Variants in PCDHA3 observed in about 807,000 individuals in gnomAD.
PCDHA3 encodes protocadherin alpha 3, also known as protocadherin alpha-3.
PCDHA3 carries 41 observed loss-of-function variants against 62.2 expected under a neutral mutation model. The ratio of observed to expected loss-of-function variants is 0.66; its 90% CI spans 0.51 to 0.86. The LOEUF is 0.86. PCDHA3 is among the 40% of genes least tolerant of loss of function. The pLI, the probability that PCDHA3 is intolerant of heterozygous loss-of-function variation, is 0.00. For synonymous variants in PCDHA3, 640 were observed against 555.4 expected, an observed-to-expected ratio of 1.15 and a Z score of -2.14; for missense variants, 1,304 against 1,241.2, an observed-to-expected ratio of 1.05 and a Z score of -0.76.
intron 1 of PCDHA3, among the ~76,000 whole-genome samples, chr5:140,957,828 G>A (rs554121251): frequency 6.0e-5 from 9 of 150,668 alleles, no homozygotes; most frequent in Non-Finnish European, 1.2e-4. Context: ...AAGAGAAAGT[G>A]TTAATTGATT....
chr5:141,010,136 CTCTT>C lies in PCDHA3; in HGVS notation c.*203_*206del, dbSNP rs782073868. The C allele has an allele frequency of 1.9e-6, 3 of 1,594,824 alleles. No homozygotes were observed. Among genetic ancestry groups the C allele is most frequent in the Non-Finnish European group, 2.6e-6 (3 of 1,169,724 alleles). On this transcript the variant is annotated 3_prime_UTR_variant, in exon 4 of 4. Transcript: ENST00000522353. ...AAAGCTTTACTAAGTCTGGTGTTAACTCTTTCTCTCCACTCTGGCTTGTTTTCAG... is the reference window on the plus strand; with the variant it reads ...AAAGCTTTACTAAGTCTGGTGTTAACTCTCTCCACTCTGGCTTGTTTTCAG...
intron 1 of PCDHA3, among the ~76,000 whole-genome samples, chr5:140,900,358 A>C (rs2067968295): frequency 6.6e-6 from 1 of 151,358 alleles, no homozygotes. Flanking sequence ...GCTCACCGCA[A>C]CCTCTGCCTC....
At position 140,852,782 on chromosome 5, in the gene PCDHA3, A is replaced by T. The variant is rs2042471437; in HGVS notation, c.2394+49191A>T. ...GTATCTGATTATTTGATGTGAATAG[A>T]GGGATGCTACAGATGTCATTTGTCT... On this transcript the variant is annotated intron_variant, in intron 1 of 3. Transcript: ENST00000522353. 4 of 979,406 alleles carry T rather than the reference A, an allele frequency of 4.1e-6. No homozygotes were observed. In the South Asian group the frequency reaches 1.9e-4, roughly 47 times the overall value. 60.7% of individuals were successfully genotyped at this position (979,406 alleles called of 1,614,324 possible). A position where few individuals can be genotyped will look rare whatever the true frequency, so the allele number is the denominator to read the frequency against.
rs782428365 is a variant in PCDHA3 at position 140,927,400 on chromosome 5, C to T, written c.2395-51549C>T. 7 of 1,614,126 alleles carry T rather than the reference C, an allele frequency of 4.3e-6. No homozygotes were observed. In the South Asian group the frequency reaches 5.5e-5, roughly 13 times the overall value. On this transcript the variant is annotated intron_variant, in intron 1 of 3. Transcript: ENST00000522353. ...CAGCCTAAGCCCCAGTCAGCACTTT[C>T]GCCTGGACATGGGATCGCGGGTTGA...
intron 1 of PCDHA3, chr5:140,968,997 G>A (rs1459602291): frequency 6.2e-7 from 1 of 1,614,092 alleles, no homozygotes; most frequent in African/African-American, 1.3e-5. Flanking sequence ...TGCTGTGGAG[G>A]CTTCTGTGGA....
At chr5:140,849,773 C>G in intron 1 of PCDHA3, 1 of 1,598,418 alleles carries the variant, frequency 6.3e-7, no homozygotes, top group Non-Finnish European at 8.6e-7. Context: ...TGGTGGTTAC[C>G]GCGCGGGACG....
chr5:140,875,143 G>A (rs2055292608), intron 1 of PCDHA3, among the ~76,000 whole-genome samples: 1 of 152,174 alleles, frequency 6.6e-6, no homozygotes, highest in Non-Finnish European at 1.5e-5. Context: ...ATTTATAAAT[G>A]ATCCGTGAAA....
intron 1 of PCDHA3, chr5:140,836,241 A>C: frequency 6.2e-7 from 1 of 1,613,778 alleles, no homozygotes; most frequent in Non-Finnish European, 8.5e-7. Context: ...CGGTGCGAGC[A>C]TCCCGTTCCG....
At chr5:140,941,214 C>CTTTCTTTCTTTCTTTCTTT (rs1554214039) in intron 1 of PCDHA3, among the ~76,000 whole-genome samples, 2,124 of 122,372 alleles carry the variant, frequency 0.017, 57 homozygotes, top group East Asian at 0.032. Flanking sequence ...TTTCTTTCTT[C>CTTTCTTTCTTTCTTTCTTT]CTTTCTTTCT....
intron 1 of PCDHA3, chr5:140,850,387 T>G: frequency 6.3e-7 from 1 of 1,597,588 alleles, no homozygotes. Flanking sequence ...ACGGGCGAGA[T>G]CAGCACAACG....
intron 3 of PCDHA3, among the ~76,000 whole-genome samples, chr5:141,004,566 T>C (rs2098171206): frequency 6.6e-6 from 1 of 152,186 alleles, no homozygotes; most frequent in Non-Finnish European, 1.5e-5. Context: ...GATGAACATA[T>C]CTCTGTGTTC....
chr5:140,987,398 A>G (rs935672912), intron 3 of PCDHA3, among the ~76,000 whole-genome samples: 4 of 152,140 alleles, frequency 2.6e-5, no homozygotes, highest in African/African-American at 9.7e-5. Context: ...CAAGGAAGCC[A>G]TCTGTTTATG....
At chr5:140,873,334 C>A (rs1182965928) in intron 1 of PCDHA3, among the ~76,000 whole-genome samples, 1 of 152,156 alleles carries the variant, frequency 6.6e-6, no homozygotes, top group African/African-American at 2.4e-5. Context: ...GCATACATTA[C>A]TCATCTCCAG....
intron 1 of PCDHA3, among the ~76,000 whole-genome samples, chr5:140,947,597 G>A (rs1231530518): frequency 1.3e-5 from 2 of 151,586 alleles, no homozygotes; most frequent in African/African-American, 4.8e-5. Context: ...TCAATTTAGG[G>A]AAGATTTGGT....
At chr5:140,808,322 A>C in intron 1 of PCDHA3, 1 of 1,614,226 alleles carries the variant, frequency 6.2e-7, no homozygotes, top group Non-Finnish European at 8.5e-7. Context: ...CGACAAAGAC[A>C]TGGGTGTCAA....
chr5:140,901,839 A>T (rs578262204), intron 1 of PCDHA3, among the ~76,000 whole-genome samples: 1 of 152,108 alleles, frequency 6.6e-6, no homozygotes, highest in Non-Finnish European at 1.5e-5. Flanking sequence ...TAAACATGCA[A>T]TATCTTTCCA....
At chr5:140,925,969 A>C (rs2082842050) in intron 1 of PCDHA3, among the ~76,000 whole-genome samples, 1 of 152,172 alleles carries the variant, frequency 6.6e-6, no homozygotes, top group African/African-American at 2.4e-5. Context: ...TCACGCAAAA[A>C]AAAAGCCTTG....
intron 1 of PCDHA3, chr5:140,968,978 G>A: frequency 1.9e-6 from 3 of 1,614,212 alleles, no homozygotes; most frequent in Non-Finnish European, 1.7e-6. Flanking sequence ...CACTGCGTAT[G>A]GCACTGCATG....
intron 1 of PCDHA3, chr5:140,843,947 C>G: frequency 1.8e-6 from 1 of 565,064 alleles, no homozygotes; most frequent in Non-Finnish European, 3.1e-6. Context: ...GGATGATATC[C>G]ATTTTTTACT....
Sources: allele counts gnomAD v4.1 joint callset (sites outside exome capture counted in the v4.1 genomes callset), GRCh38; gene constraint gnomAD v4.1.1; transcripts MANE v1.5; gene names NCBI Gene and HGNC (gene_info 2026-07-23, HGNC 2026-07-21).